Variants in PTPRQ observed in about 807,000 individuals in gnomAD.
PTPRQ encodes the protein phosphatidylinositol phosphatase PTPRQ.
PTPRQ carries 199 observed loss-of-function variants against 246.0 expected under a neutral mutation model. That is an observed-to-expected ratio of 0.81 (90% CI 0.72 to 0.91). The LOEUF is 0.91. Ranked by LOEUF, PTPRQ falls within the 40% of genes least tolerant of loss-of-function variation. PTPRQ has a pLI of 0.00. For missense variants in PTPRQ, 2,624 were observed against 2,528.4 expected (o/e 1.04, Z -0.81); for synonymous variants, 869 against 853.2 (o/e 1.02, Z -0.32).
At chr12:80,632,418 A>G in intron 34 of PTPRQ, 127 bp downstream of exon 34, 1 of 1,317,918 alleles carries the variant, frequency 7.6e-7, no homozygotes. Flanking sequence ...ATAGACAGAT[A>G]AAAATGTATT....
At position 80,646,543 on chromosome 12, in the gene PTPRQ, G is replaced by A. The variant is rs1900080077; in HGVS notation, c.5916-2354G>A. On this transcript the variant is annotated intron_variant, in intron 35 of 44. Coordinates refer to ENST00000644991, the MANE Select transcript of PTPRQ (RefSeq NM_001145026.2). ...TCTGGTTAGTCATTGGTTGATGGAT[G>A]TTTCTTGGAATATTTACCCTCCGAT... Among the ~76,000 whole-genome samples the A allele has an allele frequency of 2.0e-5, 3 of 152,250 alleles. No homozygotes were observed. In the South Asian group the frequency reaches 6.2e-4, roughly 32 times the overall value.
Position 80,495,306 on chromosome 12 carries a change from C to T in PTPRQ, c.1817C>T (p.Ala606Val), listed in dbSNP as rs1265643794. ...AAAATAACTCACTATACGATTTATG[C>T]AATGGAATTGGATACAAACAGAGCA... ...NGKITHYTIYAMELDTNRAFQ... is the reference protein window; with the variant it reads ...NGKITHYTIYVMELDTNRAFQ... Residue 606 changes from alanine (A) to valine (V), a missense_variant, in exon 12 of 45, where the codon GCA (alanine) becomes GTA (valine). Coordinates refer to ENST00000644991, the MANE Select transcript of PTPRQ (RefSeq NM_001145026.2). The T allele has an allele frequency of 3.2e-6, 5 of 1,545,480 alleles. No homozygotes were observed. The highest frequency in any genetic ancestry group is 4.4e-6 in the Non-Finnish European group (5 of 1,145,054).
chr12:80,670,263 C>G, intron 41 of PTPRQ, 81 bp from the exon 42 acceptor site: 6 of 1,508,130 alleles, frequency 4.0e-6, no homozygotes, highest in Non-Finnish European at 2.7e-6. Flanking sequence ...AGATCACCTT[C>G]AAAAACTGGG....
intron 17 of PTPRQ, 96 bp from the exon 18 acceptor site, chr12:80,533,919 A>G: frequency 9.3e-6 from 8 of 861,884 alleles, no homozygotes; most frequent in East Asian, 3.4e-5. Flanking sequence ...ATAAATTTCC[A>G]TATATTAATG....
rs190464471 is a variant in PTPRQ, at chr12:80,668,144, G to A, written c.6193-863G>A. On this transcript the variant is annotated intron_variant, in intron 39 of 44. Transcript: ENST00000644991. ...TCCATATTCCTTAAAGCATCTTCCT[G>A]TTTGAAATAGATGTCATTCCATTAC... 2.0e-5 allele frequency among the ~76,000 whole-genome samples: 3 copies of A among 151,982 alleles called. No individual in the cohort carries two copies. The East Asian group carries it at 5.8e-4, about 30-fold the overall frequency.
rs757225495 is a variant in PTPRQ at position 80,539,954 on chromosome 12, C to A, written c.3154+10C>A. On this transcript the variant is annotated intron_variant, in intron 20 of 44. Coordinates refer to ENST00000644991, the MANE Select transcript of PTPRQ (RefSeq NM_001145026.2). ...TACACAGATCAAGACAGTATGTAAA[C>A]AAAAAACACTAATCTTTAATATGAT... 6.9e-7 allele frequency: 1 copy of A among 1,455,294 alleles called. No homozygotes were observed. The highest frequency in any genetic ancestry group is 9.1e-7 in the Non-Finnish European group (1 of 1,102,172). 90.1% of individuals were successfully genotyped at this position (1,455,294 alleles called of 1,614,324 possible).
chr12:80,494,052 T>C (rs1894533398), intron 10 of PTPRQ, among the ~76,000 whole-genome samples: 1 of 152,046 alleles, frequency 6.6e-6, no homozygotes, highest in African/African-American at 2.4e-5. Context: ...AAAAACATTT[T>C]ATTACCTTTT....
chr12:80,527,421 T>A (rs1895719476), intron 17 of PTPRQ, among the ~76,000 whole-genome samples: 1 of 152,118 alleles, frequency 6.6e-6, no homozygotes, highest in African/African-American at 2.4e-5. Context: ...CTTTAAAGTA[T>A]TAAATATTAT....
In PTPRQ at chr12:80,657,910, T is replaced by C; in HGVS notation, c.6116-75T>C. The stretch of plus-strand genomic sequence containing the variant: ...GAATGTTATATTATGAACTCCTTTG[T>C]ATTACTTTTATAGTAAAAAAAGTAG... On this transcript the variant is annotated intron_variant, in intron 38 of 44. Transcript: ENST00000644991. The C allele has an allele frequency of 2.7e-6, 3 of 1,107,720 alleles. No individual in the cohort carries two copies. The South Asian group carries it at 6.2e-5, about 23-fold the overall frequency. The allele number at this position is 1,107,720 out of a possible 1,614,324, so 68.6% of individuals were successfully genotyped here.
intron 24 of PTPRQ, among the ~76,000 whole-genome samples, chr12:80,547,503 C>T (rs1416386741): frequency 1.3e-5 from 2 of 152,078 alleles, no homozygotes. Flanking sequence ...CCACTGACTA[C>T]TAAATTAATC....
intron 42 of PTPRQ, among the ~76,000 whole-genome samples, chr12:80,671,208 TA>T (rs1356319962): frequency 6.6e-6 from 1 of 152,106 alleles, no homozygotes; most frequent in Non-Finnish European, 1.5e-5. Context: ...TTGCTCATTA[TA>T]AAATATATGA....
chr12:80,661,856 T>C (rs1900644981), intron 39 of PTPRQ, among the ~76,000 whole-genome samples: 1 of 151,828 alleles, frequency 6.6e-6, no homozygotes, highest in Non-Finnish European at 1.5e-5. Context: ...ACATTCCTTA[T>C]TTTACAAATA....
At chr12:80,569,300 T>G (rs990096067) in intron 25 of PTPRQ, among the ~76,000 whole-genome samples, 30 of 150,632 alleles carry the variant, frequency 2.0e-4, no homozygotes, top group African/African-American at 6.8e-4. Flanking sequence ...CTCATCATTT[T>G]TTATGGCTGC....
intron 25 of PTPRQ, among the ~76,000 whole-genome samples, chr12:80,569,901 A>G (rs1467963394): frequency 1.3e-5 from 2 of 152,160 alleles, no homozygotes; most frequent in East Asian, 1.9e-4. Flanking sequence ...GTCCCTGCAA[A>G]GGACATGAAC....
intron 14 of PTPRQ, among the ~76,000 whole-genome samples, chr12:80,497,322 C>G (rs1265904777): frequency 6.6e-6 from 1 of 151,766 alleles, no homozygotes; most frequent in Non-Finnish European, 1.5e-5. Context: ...TCATAAGAAG[C>G]ACACAACATA....
chr12:80,474,243 C>G (rs781777973), intron 8 of PTPRQ, among the ~76,000 whole-genome samples: 1 of 152,150 alleles, frequency 6.6e-6, no homozygotes, highest in Non-Finnish European at 1.5e-5. Flanking sequence ...TTCATTAATA[C>G]AACAGGGTTT....
intron 8 of PTPRQ, among the ~76,000 whole-genome samples, chr12:80,476,957 A>G (rs543921476): frequency 2.1e-4 from 32 of 152,190 alleles, no homozygotes; most frequent in Non-Finnish European, 3.7e-4. Context: ...GGTTGGAGGG[A>G]TGCATGAGCT....
intron 25 of PTPRQ, among the ~76,000 whole-genome samples, chr12:80,580,209 T>G (rs1178732297): frequency 6.6e-6 from 1 of 152,204 alleles, no homozygotes; most frequent in Non-Finnish European, 1.5e-5. Flanking sequence ...TTCTTGCTTA[T>G]TTAGATCTAC....
In PTPRQ at chr12:80,546,682, A is replaced by C. The variant is rs538665002; in HGVS notation, c.4000A>C (p.Thr1334Pro). ...TCAATTTAGTAATGTAGTAAAATTCACAACCCAAGAATCAGGTTAGATACA... is the reference window on the plus strand; with the variant it reads ...TCAATTTAGTAATGTAGTAAAATTCCCAACCCAAGAATCAGGTTAGATACA... ...GNQFSNVVKFTTQESVPDVVQ... is the reference protein window; with the variant it reads ...GNQFSNVVKFPTQESVPDVVQ... Residue 1334 changes from threonine (T) to proline (P), a missense_variant, in exon 24 of 45, where the codon ACA becomes CCA. Transcript: ENST00000644991. The C allele has an allele frequency of 3.9e-6, 6 of 1,551,276 alleles. No homozygotes were observed. In the South Asian group the frequency reaches 7.1e-5, roughly 18 times the overall value.
Sources: gnomAD v4.1 joint callset for allele counts (sites outside exome capture counted in the v4.1 genomes callset) on GRCh38, gnomAD v4.1.1 for gene constraint, MANE v1.5 for transcripts, NCBI Gene and HGNC (gene_info 2026-07-23, HGNC 2026-07-21) for gene names.